Variants in IFT43 observed in about 807,000 individuals in gnomAD.
The protein encoded by IFT43 is intraflagellar transport protein 43 homolog.
Under a neutral mutation model 32.3 loss-of-function variants are expected in IFT43, and 33 were observed. The ratio of observed to expected loss-of-function variants is 1.02; its 90% confidence interval spans 0.77 to 1.37. The LOEUF (loss-of-function observed/expected upper bound fraction) is 1.37. IFT43 is among the 40% of genes most tolerant of loss of function. The pLI is 0.00. For synonymous variants in IFT43, 93 were observed against 98.2 expected (o/e 0.95, Z 0.31); for missense variants, 274 against 265.9 (o/e 1.03, Z -0.21).
intron 5 of IFT43, among the ~76,000 whole-genome samples, chr14:76,077,104 CA>C (rs2037426229): frequency 6.6e-6 from 1 of 152,020 alleles, no homozygotes; most frequent in East Asian, 1.9e-4. Flanking sequence ...TGGTGAAAAG[CA>C]GTGTGACCCA....
intron 3 of IFT43, among the ~76,000 whole-genome samples, chr14:76,033,167 T>G (rs985145745): frequency 6.6e-6 from 1 of 152,184 alleles, no homozygotes; most frequent in African/African-American, 2.4e-5. Flanking sequence ...CCCAGCCAGA[T>G]TGCAGTAGAC....
At chr14:76,072,288 A>G (rs1459874344) in intron 5 of IFT43, among the ~76,000 whole-genome samples, 1 of 152,162 alleles carries the variant, frequency 6.6e-6, no homozygotes, top group East Asian at 1.9e-4. Flanking sequence ...TACAGATTGC[A>G]GTGTGAGTAT....
chr14:76,038,176 G>C (rs2036638861), intron 3 of IFT43: 1 of 152,212 alleles, frequency 6.6e-6, no homozygotes, highest in South Asian at 2.1e-4. Flanking sequence ...TCCAATATTG[G>C]GTAAAATCAG....
intron 5 of IFT43, among the ~76,000 whole-genome samples, chr14:76,063,064 G>A (rs2037171807): frequency 6.6e-6 from 1 of 152,146 alleles, no homozygotes; most frequent in East Asian, 1.9e-4. Context: ...CTTCATTAGG[G>A]CAGGTCTAGA....
chr14:76,048,125 G>A (rs73311166), intron 3 of IFT43, among the ~76,000 whole-genome samples: 12,085 of 152,170 alleles, frequency 0.079, 955 homozygotes, highest in African/African-American at 0.19. Context: ...TTCTGCAGCC[G>A]TGCCCATTCT....
chr14:76,024,299 ACT>A (rs1013251320), intron 3 of IFT43, among the ~76,000 whole-genome samples: 5 of 152,060 alleles, frequency 3.3e-5, no homozygotes, highest in Non-Finnish European at 7.4e-5. Context: ...CCTACGACAT[ACT>A]CTCTCGCATT....
In IFT43 at chr14:76,083,124, T is replaced by G. The variant is rs560163846; in HGVS notation, c.445-103T>G. On this transcript the variant is annotated intron_variant, in intron 7 of 8. Transcript: ENST00000314067. ...GAAGGCATTCCTGCAGGTCTCAGTT[T>G]GGGAAGTTCTGACACACAAAAACTG... The G allele has an allele frequency of 1.2e-5, 14 of 1,210,904 alleles. 1 individual carries two copies. The East Asian group carries it at 2.6e-4, about 23-fold the overall frequency. 75.0% of individuals were successfully genotyped at this position (1,210,904 alleles called of 1,614,324 possible).
intron 3 of IFT43, among the ~76,000 whole-genome samples, chr14:76,042,293 G>A (rs915460616): frequency 2.6e-5 from 4 of 151,896 alleles, no homozygotes; most frequent in Non-Finnish European, 5.9e-5. Context: ...CTTGCTCAGA[G>A]TCATACAGCT....
chr14:76,074,120 G>A (rs1342566227), intron 5 of IFT43, among the ~76,000 whole-genome samples: 2 of 152,110 alleles, frequency 1.3e-5, no homozygotes, highest in Non-Finnish European at 2.9e-5. Context: ...AGTGTAGTTT[G>A]TCTTGTTTTT....
chr14:76,013,842 G>T lies in IFT43; in HGVS notation c.148-8485G>T, dbSNP rs184545967. On this transcript the variant is annotated intron_variant, in intron 2 of 8. Transcript: ENST00000314067. ...AAGGGGGCCTTCAGAATGGAGATCA[G>T]ATTTCCAGCAGAGTACCCATTTAAA... 5.1e-5 allele frequency: 13 copies of T among 254,750 alleles called. No homozygotes were observed. In the Middle Eastern group the frequency reaches 1.9e-3, roughly 36 times the overall value. 15.8% of individuals were successfully genotyped at this position (254,750 alleles called of 1,614,324 possible).
intron 3 of IFT43, among the ~76,000 whole-genome samples, chr14:76,044,420 TC>T (rs2036766312): frequency 6.6e-6 from 1 of 152,210 alleles, no homozygotes; most frequent in Non-Finnish European, 1.5e-5. Flanking sequence ...GAGCTTCTGT[TC>T]CCATGGAGTT....
At chr14:76,046,453 C>T (rs2036810469) in intron 3 of IFT43, among the ~76,000 whole-genome samples, 3 of 151,924 alleles carry the variant, frequency 2.0e-5, no homozygotes, top group Admixed American at 2.0e-4. Flanking sequence ...GGTGGGTCCC[C>T]AGAAGCAAAA....
At chr14:76,068,598 C>G (rs542632829) in intron 5 of IFT43, among the ~76,000 whole-genome samples, 1 of 152,214 alleles carries the variant, frequency 6.6e-6, no homozygotes, top group Non-Finnish European at 1.5e-5. Flanking sequence ...CAAAACTGCT[C>G]TGTCTTACTG....
chr14:76,028,077 G>A (rs529304823), intron 3 of IFT43, among the ~76,000 whole-genome samples: 5 of 152,156 alleles, frequency 3.3e-5, no homozygotes, highest in Admixed American at 2.0e-4. Context: ...GACCAGAACA[G>A]GTGATCATGT....
At position 76,015,062 on chromosome 14, in the gene IFT43, C is replaced by G. The variant is rs114041725; in HGVS notation, c.148-7265C>G. On this transcript the variant is annotated intron_variant, in intron 2 of 8. Coordinates refer to ENST00000314067, the MANE Select transcript of IFT43 (RefSeq NM_001102564.3). ...ACATCTTCTACTTTTTCTATTGCAC[C>G]TAGTGCACATGGGACCAGTGCCGAG... Among the ~76,000 whole-genome samples, 1,447 of 152,224 alleles carry G rather than the reference C, an allele frequency of 9.5e-3. 19 individuals carry two copies. The highest frequency in any genetic ancestry group is 0.033 in the African/African-American group (1,351 of 41,536).
At chr14:76,031,489 G>A (rs574842681) in intron 3 of IFT43, among the ~76,000 whole-genome samples, 1 of 152,268 alleles carries the variant, frequency 6.6e-6, no homozygotes, top group South Asian at 2.1e-4. Context: ...AGTGTTAAGC[G>A]AAAACAAGAA....
intron 5 of IFT43, among the ~76,000 whole-genome samples, chr14:76,070,791 G>A (rs569485773): frequency 2.0e-5 from 3 of 151,798 alleles, no homozygotes; most frequent in East Asian, 3.9e-4. Context: ...TCTTGCTCCT[G>A]CTTTCTCCAT....
intron 2 of IFT43, among the ~76,000 whole-genome samples, chr14:76,000,939 C>G (rs2035873456): frequency 1.3e-5 from 2 of 152,096 alleles, no homozygotes; most frequent in Middle Eastern, 3.2e-3. Context: ...AAGAGGTCTG[C>G]CAAGTTGAAA....
At position 76,058,627 on chromosome 14, in the gene IFT43, C is replaced by CT. The variant is rs59989662; in HGVS notation, c.216-4dup. 20,765 of 1,281,814 alleles carry CT rather than the reference C, an allele frequency of 0.016. 1 individual carries two copies. The highest frequency in any genetic ancestry group is 0.032 in the East Asian group (1,002 of 31,444). 79.4% of individuals were successfully genotyped at this position (1,281,814 alleles called of 1,614,324 possible). A position where few individuals can be genotyped will look rare whatever the true frequency, so the allele number is the denominator to read the frequency against. ...TGGGCTCTCAAAAACCTTGTCTTTT[C>CT]TTTTTTTTTTTCAGGTTTAGGAGGA... On this transcript the variant is annotated splice_polypyrimidine_tract_variant and intron_variant, in intron 3 of 8. Coordinates refer to ENST00000314067, the MANE Select transcript of IFT43 (RefSeq NM_001102564.3).
Sources: gnomAD v4.1 joint callset for allele counts (sites outside exome capture counted in the v4.1 genomes callset) on GRCh38, gnomAD v4.1.1 for gene constraint, MANE v1.5 for transcripts, NCBI Gene and HGNC (gene_info 2026-07-23, HGNC 2026-07-21) for gene names.